The following SOX6 variants were observed in gnomAD, a reference collection of about 807,000 sequenced individuals.
SOX6 encodes transcription factor SOX-6.
A neutral mutation model predicts 97.8 loss-of-function variants in SOX6; 11 were observed. That is an observed-to-expected ratio of 0.11 (90% CI 0.07 to 0.19). SOX6 has a LOEUF of 0.19. Among genes scored for constraint, SOX6 ranks in the 10% least tolerant of loss-of-function variants. The pLI, the probability that SOX6 is intolerant of heterozygous loss-of-function variation, is 1.00. For missense variants in SOX6, 810 were observed against 1,039.5 expected, an observed-to-expected ratio of 0.78 and a Z score of 3.04; for synonymous variants, 360 against 371.4, an observed-to-expected ratio of 0.97 and a Z score of 0.35.
At chr11:16,188,326 A>T (rs1272447724) in intron 4 of SOX6, among the ~76,000 whole-genome samples, 1 of 152,114 alleles carries the variant, frequency 6.6e-6, no homozygotes, top group Admixed American at 6.6e-5. Context: ...AGGAAAAATA[A>T]AGTTGTTAGA....
intron 3 of SOX6, among the ~76,000 whole-genome samples, chr11:16,711,484 C>G (rs1590060796): frequency 6.6e-6 from 1 of 152,192 alleles, no homozygotes; most frequent in African/African-American, 2.4e-5. Flanking sequence ...GATCGTGCTA[C>G]TGCACTCCAG....
chr11:16,376,135 A>C (rs1857637785), intron 1 of SOX6, among the ~76,000 whole-genome samples: 1 of 152,088 alleles, frequency 6.6e-6, no homozygotes, highest in Admixed American at 6.6e-5. Flanking sequence ...TATGTAACAA[A>C]CCTGCACATT....
At chr11:16,007,043 C>A (rs1489451414) in intron 13 of SOX6, among the ~76,000 whole-genome samples, 2 of 148,642 alleles carry the variant, frequency 1.3e-5, no homozygotes, top group East Asian at 2.3e-4. Context: ...ACAAGCAGAA[C>A]CAAACAAGAA....
At position 16,712,842 on chromosome 11, in the gene SOX6, T is replaced by A. The variant is rs114012148; in HGVS notation, n.429+1988A>T. Among the ~76,000 whole-genome samples the A allele has an allele frequency of 7.7e-3, 1,172 of 152,336 alleles. 14 individuals are homozygous for A. The highest frequency in any genetic ancestry group is 0.027 in the African/African-American group (1,118 of 41,560). On this transcript the variant is annotated intron_variant and non_coding_transcript_variant, in intron 3 of 5. Coordinates refer to the SOX6 transcript ENST00000524520. ...AAAGGCAGAGACTAATTAGTTCAAT[T>A]ATTTATACTGTTAATTATTATATTT...
intron 3 of SOX6, among the ~76,000 whole-genome samples, chr11:16,616,076 G>A (rs755955924): frequency 3.3e-5 from 5 of 152,068 alleles, no homozygotes; most frequent in African/African-American, 4.8e-5. Context: ...TAAAGCTTGC[G>A]CATTCCTTCA....
intron 4 of SOX6, among the ~76,000 whole-genome samples, chr11:16,520,867 C>T (rs762831059): frequency 1.3e-5 from 2 of 152,212 alleles, no homozygotes; most frequent in Non-Finnish European, 1.5e-5. Flanking sequence ...CACGGAGTCT[C>T]GCTGATTGCT....
chr11:15,993,123 G>A (rs972289470), intron 13 of SOX6, among the ~76,000 whole-genome samples: 1 of 151,870 alleles, frequency 6.6e-6, no homozygotes, highest in African/African-American at 2.4e-5. Flanking sequence ...ATTTAAAAAT[G>A]GAAATTATAT....
At chr11:16,131,145 G>A (rs976289947) in intron 6 of SOX6, among the ~76,000 whole-genome samples, 5 of 151,398 alleles carry the variant, frequency 3.3e-5, no homozygotes, top group Admixed American at 2.6e-4. Context: ...TTGCTCTTTA[G>A]AAGACATGGT....
chr11:16,600,067 T>C lies in SOX6; in HGVS notation n.609+12014A>G, dbSNP rs142082913. ...AAGTGTGGACTGGCATAAATGTTTG[T>C]ACAAAATTATAAGTGTATTTCAAGA... On this transcript the variant is annotated intron_variant and non_coding_transcript_variant, in intron 4 of 5. Transcript: ENST00000524520. Among the ~76,000 whole-genome samples the C allele has an allele frequency of 5.7e-3, 872 of 152,318 alleles. 3 individuals are homozygous for C. Among genetic ancestry groups the C allele is most frequent in the Non-Finnish European group, 0.01 (697 of 68,026 alleles).
chr11:16,407,887 A>G (rs1590191838), intron 1 of SOX6, among the ~76,000 whole-genome samples: 1 of 152,190 alleles, frequency 6.6e-6, no homozygotes, highest in East Asian at 1.9e-4. Flanking sequence ...ACAGAAAGGA[A>G]AAAAATAAAT....
intron 4 of SOX6, among the ~76,000 whole-genome samples, chr11:16,561,398 T>A (rs1451540147): frequency 6.6e-6 from 1 of 152,024 alleles, no homozygotes; most frequent in African/African-American, 2.4e-5. Context: ...CCTCCTAAGA[T>A]ATGAATGTAA....
At chr11:16,063,324 C>A (rs920096421) in intron 9 of SOX6, among the ~76,000 whole-genome samples, 2 of 150,438 alleles carry the variant, frequency 1.3e-5, no homozygotes, top group Non-Finnish European at 3.0e-5. Flanking sequence ...CCCTTCAGTG[C>A]CTTCCAGTAC....
intron 5 of SOX6, 73 bp from the exon 6 acceptor site, chr11:16,184,027 T>C (rs1851407953): frequency 1.3e-5 from 17 of 1,306,596 alleles, no homozygotes; most frequent in Middle Eastern, 1.9e-4. Flanking sequence ...GTATTTCTCC[T>C]GGTATTACAA....
intron 3 of SOX6, among the ~76,000 whole-genome samples, chr11:16,651,360 A>G (rs1369737889): frequency 1.3e-5 from 2 of 152,196 alleles, no homozygotes; most frequent in Non-Finnish European, 2.9e-5. Flanking sequence ...ATGAACATAG[A>G]TGCAAAAATC....
At chr11:16,508,783 G>A (rs1860832396) in intron 4 of SOX6, among the ~76,000 whole-genome samples, 2 of 152,056 alleles carry the variant, frequency 1.3e-5, no homozygotes, top group South Asian at 4.2e-4. Flanking sequence ...AGAGTAGGAT[G>A]ACTATCATTA....
chr11:16,523,684 G>C (rs1590232831), intron 4 of SOX6, among the ~76,000 whole-genome samples: 1 of 152,194 alleles, frequency 6.6e-6, no homozygotes, highest in South Asian at 2.1e-4. Context: ...AAAAATTAAT[G>C]AATCCAGGAG....
chr11:16,060,170 T>G (rs1039252618), intron 9 of SOX6, among the ~76,000 whole-genome samples: 2 of 151,986 alleles, frequency 1.3e-5, no homozygotes, highest in Non-Finnish European at 2.9e-5. Flanking sequence ...TCTATTTTTT[T>G]TTAAAAAAGT....
intron 7 of SOX6, among the ~76,000 whole-genome samples, chr11:16,101,485 T>C (rs1848945787): frequency 6.6e-6 from 1 of 151,718 alleles, no homozygotes; most frequent in Admixed American, 6.6e-5. Flanking sequence ...TCTTCTAAGA[T>C]CATCTGCAGT....
chr11:16,432,377 C>G (rs1859287660), intron 1 of SOX6, among the ~76,000 whole-genome samples: 1 of 151,982 alleles, frequency 6.6e-6, no homozygotes, highest in Admixed American at 6.6e-5. Flanking sequence ...CTCTTTAAGT[C>G]AAAGGATTCA....
Sources: gnomAD v4.1 joint callset for allele counts (sites outside exome capture counted in the v4.1 genomes callset) on GRCh38, gnomAD v4.1.1 for gene constraint, MANE v1.5 for transcripts, NCBI Gene and HGNC (gene_info 2026-07-23, HGNC 2026-07-21) for gene names.